The following EED variants were observed in gnomAD, a reference collection of about 807,000 sequenced individuals.
EED encodes polycomb protein EED.
In EED, 9 loss-of-function variants were observed where a neutral mutation model predicts 61.0. The observed-to-expected ratio is 0.15, with a 90% CI of 0.09 to 0.26. The LOEUF is 0.26. EED is among the 10% of genes least tolerant of loss of function. The pLI is 1.00. For synonymous variants in EED, 187 were observed against 174.4 expected, an observed-to-expected ratio of 1.07 and a Z score of -0.57; for missense variants, 315 against 542.3, an observed-to-expected ratio of 0.58 and a Z score of 4.16.
chr11:86,278,560 G>A lies in EED; in HGVS notation c.*35G>A, dbSNP rs1946282969. 1 of 1,606,768 alleles carries A rather than the reference G, an allele frequency of 6.2e-7. No individual in the cohort carries two copies. The highest frequency in any genetic ancestry group is 1.3e-5 in the African/African-American group (1 of 74,804). On this transcript the variant is annotated 3_prime_UTR_variant, in exon 12 of 12. Transcript: ENST00000263360. ...GCCTAATCAAAATTAGAGTGTGTTT[G>A]TTGTCTGTGTAAAATAGAATTAATG...
At chr11:86,278,115 CAG>C (rs1454316619) in intron 11 of EED, 124 bp downstream of exon 11, 1 of 1,369,066 alleles carries the variant, frequency 7.3e-7, no homozygotes, top group East Asian at 2.7e-5. Context: ...TTACTGTTTT[CAG>C]AGTTAAAGTT....
chr11:86,245,162 C>G lies in EED; in HGVS notation c.-68C>G, dbSNP rs1945355576. 1 of 1,359,122 alleles carries G rather than the reference C, an allele frequency of 7.4e-7. No individual in the cohort carries two copies. Among genetic ancestry groups the G allele is most frequent in the Non-Finnish European group, 1.0e-6 (1 of 969,940 alleles). The allele number at this position is 1,359,122 out of a possible 1,614,324, so 84.2% of individuals were successfully genotyped here. A position where few individuals can be genotyped will look rare whatever the true frequency, so the allele number is the denominator to read the frequency against. On this transcript the variant is annotated 5_prime_UTR_variant, in exon 1 of 12. Transcript: ENST00000263360. ...AACTTTGCGGCAAGCTCGGGCCGGGCTTGCTTGACGGCGGTGTGGCGGAGG... is the reference window on the plus strand; with the variant it reads ...AACTTTGCGGCAAGCTCGGGCCGGGGTTGCTTGACGGCGGTGTGGCGGAGG...
At chr11:86,282,071 T>C (rs1946330258), downstream of EED, among the ~76,000 whole-genome samples, 1 of 151,998 alleles carries the variant, frequency 6.6e-6, no homozygotes, top group Admixed American at 6.5e-5. Context: ...ACATAGCCAA[T>C]CTTGATTTAT....
chr11:86,277,765 G>GA, intron 10 of EED, 153 bp from the exon 11 acceptor site: 1 of 526,516 alleles, frequency 1.9e-6, no homozygotes, highest in Non-Finnish European at 3.0e-6. Flanking sequence ...TCATATTTAC[G>GA]AATCAGGAGT....
At chr11:86,262,409 C>T (rs575864502) in intron 6 of EED, among the ~76,000 whole-genome samples, 1 of 152,350 alleles carries the variant, frequency 6.6e-6, no homozygotes, top group Non-Finnish European at 1.5e-5. Context: ...GGCATGGACA[C>T]AGTCCTGCTA....
intron 10 of EED, 179 bp from the exon 11 acceptor site, chr11:86,277,739 T>C (rs369708906): frequency 2.4e-6 from 1 of 414,842 alleles, no homozygotes. Context: ...ACTTGTGATG[T>C]ATTAATTGCT....
chr11:86,268,923 A>G (rs924282400), intron 9 of EED, among the ~76,000 whole-genome samples: 1 of 152,072 alleles, frequency 6.6e-6, no homozygotes, highest in African/African-American at 2.4e-5. Context: ...GTAAAATTTT[A>G]TTTATAAAAA....
rs746796459 is a variant in EED, at chr11:86,244,801, G to C, written c.-429G>C. On this transcript the variant is annotated 5_prime_UTR_variant, in exon 1 of 12. Transcript: ENST00000263360. ...GCAGCGGGTCGGAGATCGAAGGAAC[G>C]GGCCAATTGCGGCTGAAACGTCTTT... is the stretch of plus-strand genomic sequence containing the variant. 2 of 235,314 alleles carry C rather than the reference G, an allele frequency of 8.5e-6. No individual in the cohort carries two copies. Among genetic ancestry groups the C allele is most frequent in the Non-Finnish European group, 8.4e-6 (1 of 119,070 alleles). 14.6% of individuals were successfully genotyped at this position (235,314 alleles called of 1,614,324 possible). A position where few individuals can be genotyped will look rare whatever the true frequency, so the allele number is the denominator to read the frequency against.
At chr11:86,272,350 G>A (rs1485828173) in intron 9 of EED, among the ~76,000 whole-genome samples, 1 of 151,870 alleles carries the variant, frequency 6.6e-6, no homozygotes, top group Non-Finnish European at 1.5e-5. Flanking sequence ...GAGCCACCGC[G>A]CCCGGCCACT....
intron 6 of EED, among the ~76,000 whole-genome samples, chr11:86,263,160 C>T (rs544754945): frequency 3.3e-5 from 5 of 152,288 alleles, no homozygotes; most frequent in African/African-American, 1.2e-4. Context: ...TGTCTGAGAC[C>T]TCACTGAATG....
chr11:86,263,967 G>C lies in EED; in HGVS notation c.635-205G>C, dbSNP rs1476293383. 4 of 519,378 alleles carry C rather than the reference G, an allele frequency of 7.7e-6. No homozygotes were observed. The Admixed American group carries it at 1.3e-4, about 17-fold the overall frequency. The allele number at this position is 519,378 out of a possible 1,614,324, so 32.2% of individuals were successfully genotyped here. ...GATTGAGTTTCTAGCACATGCTTTT[G>C]GGGGGGCCTATTCAAACTATAGCAC... On this transcript the variant is annotated intron_variant, in intron 6 of 11. Coordinates refer to ENST00000263360, the MANE Select transcript of EED (RefSeq NM_003797.5).
Position 86,277,046 on chromosome 11 carries a change from C to G in EED, c.1033C>G (p.Pro345Ala), listed in dbSNP as rs1216386093. The G allele has an allele frequency of 6.3e-7, 1 of 1,578,918 alleles. No individual in the cohort carries two copies. The highest frequency in any genetic ancestry group is 1.2e-5 in the South Asian group (1 of 85,780). The change falls in exon 10 of 12, where the codon CCC becomes GCC. Residue 345 changes from proline to alanine, a missense_variant. Coordinates refer to ENST00000263360, the MANE Select transcript of EED (RefSeq NM_003797.5). ...KMEDDIDKIK[P>A]SESNVTILGR... ...GGAAGATGATATAGATAAAATTAAA[C>G]CCAGTGAATCTAATGTGACTATTCT...
chr11:86,251,995 C>T (rs1945543710), intron 2 of EED, among the ~76,000 whole-genome samples, 153 bp from the exon 3 acceptor site: 1 of 152,162 alleles, frequency 6.6e-6, no homozygotes, highest in African/African-American at 2.4e-5. Flanking sequence ...GACTAGTAGA[C>T]ATCTTTTAAT....
intron 1 of EED, 52 bp downstream of exon 1, chr11:86,245,395 C>T (rs767371453): frequency 1.4e-6 from 2 of 1,453,068 alleles, no homozygotes; most frequent in East Asian, 5.0e-5. Flanking sequence ...GTTTTAAATT[C>T]TTTTAAAACG....
In EED at chr11:86,255,364, T is replaced by C; in HGVS notation, c.426+77T>C. On this transcript the variant is annotated intron_variant, in intron 4 of 11. Coordinates refer to ENST00000263360, the MANE Select transcript of EED (RefSeq NM_003797.5). ...TAAGTGCACCAAAACTTTTATAAATTAATCATTTCCCTAAAGTTATTGTTC... is the reference window on the plus strand; with the variant it reads ...TAAGTGCACCAAAACTTTTATAAATCAATCATTTCCCTAAAGTTATTGTTC... 5.2e-6 allele frequency: 6 copies of C among 1,150,378 alleles called. No individual in the cohort carries two copies. The South Asian group carries it at 5.7e-5, about 11-fold the overall frequency. 71.3% of individuals were successfully genotyped at this position (1,150,378 alleles called of 1,614,324 possible).
the EED span, among the ~76,000 whole-genome samples, chr11:86,287,518 TA>T: frequency 2.0e-5 from 3 of 152,270 alleles, no homozygotes; most frequent in East Asian, 5.8e-4. Context: ...TGATGTGGAA[TA>T]AAAAATTGTT....
chr11:86,248,343 C>T (rs564341035), intron 1 of EED, among the ~76,000 whole-genome samples: 13 of 152,294 alleles, frequency 8.5e-5, no homozygotes, highest in South Asian at 4.1e-4. Flanking sequence ...AAATAAGCAA[C>T]GTGCCCTATT....
intron 6 of EED, among the ~76,000 whole-genome samples, chr11:86,262,098 T>C (rs1945845372): frequency 6.6e-6 from 1 of 152,112 alleles, no homozygotes; most frequent in African/African-American, 2.4e-5. Context: ...CCCAGGCTGG[T>C]CTTGAACTTC....
At chr11:86,278,189 G>T in intron 11 of EED, 198 bp downstream of exon 11, 1 of 1,318,290 alleles carries the variant, frequency 7.6e-7, no homozygotes, top group Non-Finnish European at 9.7e-7. Context: ...GTCATTTCTT[G>T]TTTTTATACA....
Sources: gnomAD v4.1 joint callset for allele counts (sites outside exome capture counted in the v4.1 genomes callset) on GRCh38, gnomAD v4.1.1 for gene constraint, MANE v1.5 for transcripts, NCBI Gene and HGNC (gene_info 2026-07-23, HGNC 2026-07-21) for gene names.